The following RHBDD1 variants were observed in gnomAD, a reference collection of about 807,000 sequenced individuals.
RHBDD1 encodes rhomboid domain containing 1.
A neutral mutation model predicts 36.3 loss-of-function variants in RHBDD1; 38 were observed. That is an observed-to-expected ratio of 1.05 (90% CI 0.81 to 1.37). The LOEUF (loss-of-function observed/expected upper bound fraction) is 1.37. Ranked by LOEUF, RHBDD1 falls within the 40% of genes most tolerant of loss-of-function variation. The pLI is 0.00. For missense variants in RHBDD1, 393 were observed against 377.6 expected (o/e 1.04, Z -0.34); for synonymous variants, 151 against 136.5 (o/e 1.11, Z -0.74).
At chr2:226,966,810 C>T (rs1453246858) in intron 8 of RHBDD1, among the ~76,000 whole-genome samples, 1 of 151,418 alleles carries the variant, frequency 6.6e-6, no homozygotes, top group Non-Finnish European at 1.5e-5. Flanking sequence ...GCTGAGACTA[C>T]AGGCATAGGC....
In RHBDD1 at chr2:226,996,283, C is replaced by A; in HGVS notation, c.*761C>A. ...ATTTAACGCATCAGCAAAGTAGCAG[C>A]AGATGCCACATACAGAGTAGAGCGA... is the stretch of plus-strand genomic sequence containing the variant. On this transcript the variant is annotated 3_prime_UTR_variant, in exon 9 of 9. Transcript: ENST00000392062. 6.6e-6 allele frequency: 1 copy of A among 152,382 alleles called. No homozygotes were observed. The allele number at this position is 152,382 out of a possible 1,614,324, so 9.4% of individuals were successfully genotyped here. A position where few individuals can be genotyped will look rare whatever the true frequency, so the allele number is the denominator to read the frequency against.
At chr2:226,967,553 A>G (rs984970366) in intron 8 of RHBDD1, among the ~76,000 whole-genome samples, 1 of 112,732 alleles carries the variant, frequency 8.9e-6, no homozygotes, top group Non-Finnish European at 1.7e-5. Flanking sequence ...CCCACCTCTA[A>G]CTTTCTGCAT....
At chr2:226,827,108 C>T in the RHBDD1 span, among the ~76,000 whole-genome samples, 2 of 152,040 alleles carry the variant, frequency 1.3e-5, no homozygotes, top group African/African-American at 4.8e-5. Context: ...CAGGTGCATA[C>T]CACCATGTCA....
At chr2:226,968,290 A>G (rs529643779) in intron 8 of RHBDD1, among the ~76,000 whole-genome samples, 57 of 152,312 alleles carry the variant, frequency 3.7e-4, no homozygotes, top group Non-Finnish European at 4.4e-5. Flanking sequence ...ATTGCAAGGA[A>G]GTGCCTATGT....
chr2:226,969,194 C>T (rs1260607593), intron 8 of RHBDD1: 1 of 152,362 alleles, frequency 6.6e-6, no homozygotes, highest in African/African-American at 2.4e-5. Flanking sequence ...GTGATAAAAA[C>T]CGAAGGCTCG....
At chr2:226,816,375 CAAAAAAAA>C in the RHBDD1 span, among the ~76,000 whole-genome samples, 8 of 64,958 alleles carry the variant, frequency 1.2e-4, no homozygotes, top group African/African-American at 2.8e-4. Context: ...GGAATGGTGG[CAAAAAAAA>C]AAAAAAAAAA....
chr2:226,971,840 A>G (rs970950367), intron 8 of RHBDD1, among the ~76,000 whole-genome samples: 3 of 152,072 alleles, frequency 2.0e-5, no homozygotes, highest in African/African-American at 7.2e-5. Flanking sequence ...CCTTTCTTCA[A>G]AGCTCTAGAA....
At chr2:226,844,231 A>G (rs775985786) in intron 3 of RHBDD1, among the ~76,000 whole-genome samples, 3 of 152,180 alleles carry the variant, frequency 2.0e-5, no homozygotes, top group Admixed American at 6.5e-5. Context: ...TTTGGTCACT[A>G]TCACCTTGGA....
chr2:226,954,433 A>G (rs1951652434), intron 8 of RHBDD1, among the ~76,000 whole-genome samples: 1 of 152,198 alleles, frequency 6.6e-6, no homozygotes, highest in Non-Finnish European at 1.5e-5. Context: ...TTATTTTATA[A>G]CAAAGTAATA....
At chr2:226,992,588 C>T (rs149646366) in intron 8 of RHBDD1, among the ~76,000 whole-genome samples, 17 of 152,240 alleles carry the variant, frequency 1.1e-4, no homozygotes, top group African/African-American at 4.1e-4. Context: ...TTAAGGAGAC[C>T]CACGTGGGAA....
the RHBDD1 span, among the ~76,000 whole-genome samples, chr2:226,822,530 G>A: frequency 6.6e-6 from 1 of 151,338 alleles, no homozygotes; most frequent in Non-Finnish European, 1.5e-5. Flanking sequence ...AGCTATACAG[G>A]AGGCTGAGGC....
At chr2:226,987,595 A>G (rs1282139489) in intron 8 of RHBDD1, among the ~76,000 whole-genome samples, 4 of 152,178 alleles carry the variant, frequency 2.6e-5, no homozygotes, top group Non-Finnish European at 4.4e-5. Context: ...GAACAAAACA[A>G]TCATGGACAC....
the RHBDD1 span, among the ~76,000 whole-genome samples, chr2:226,822,533 G>C: frequency 6.6e-6 from 1 of 151,536 alleles, no homozygotes; most frequent in Non-Finnish European, 1.5e-5. Context: ...TATACAGGAG[G>C]CTGAGGCAAG....
In RHBDD1 at chr2:226,964,865, G is replaced by T. The variant is rs912849458; in HGVS notation, c.857-30566G>T. On this transcript the variant is annotated intron_variant, in intron 8 of 8. Transcript: ENST00000392062. Reference sequence around the variant, plus strand: ...TAGAAATAAGAGCCAGGTCACACAGGGCCTTTTAGGCCATCTGGGACTCTG... The same window carrying T: ...TAGAAATAAGAGCCAGGTCACACAGTGCCTTTTAGGCCATCTGGGACTCTG... Among the ~76,000 whole-genome samples the T allele has an allele frequency of 2.6e-5, 4 of 152,226 alleles. No individual in the cohort carries two copies. The East Asian group carries it at 7.7e-4, about 29-fold the overall frequency.
intron 5 of RHBDD1, among the ~76,000 whole-genome samples, chr2:226,896,095 A>T (rs368095966): frequency 3.1e-4 from 47 of 152,344 alleles, no homozygotes; most frequent in African/African-American, 1.1e-3. Flanking sequence ...ACTGTATACA[A>T]TTATTCTAGG....
chr2:226,805,946 G>A, the RHBDD1 span, among the ~76,000 whole-genome samples: 6 of 152,050 alleles, frequency 3.9e-5, no homozygotes, highest in Middle Eastern at 3.4e-3. Flanking sequence ...TGGATATTCC[G>A]TGCTCTCTAT....
chr2:226,844,886 G>A (rs982857233), intron 3 of RHBDD1, among the ~76,000 whole-genome samples: 2 of 152,120 alleles, frequency 1.3e-5, no homozygotes, highest in Non-Finnish European at 2.9e-5. Context: ...CAAAATTTAA[G>A]ATTATATACA....
intron 5 of RHBDD1, among the ~76,000 whole-genome samples, chr2:226,888,692 A>G (rs1195865755): frequency 1.3e-5 from 2 of 152,116 alleles, no homozygotes; most frequent in East Asian, 1.9e-4. Context: ...TACTGTGTAC[A>G]TTTCTTTCTT....
chr2:226,906,948 A>G (rs1394822831), intron 6 of RHBDD1, 67 bp downstream of exon 6: 1 of 1,508,182 alleles, frequency 6.6e-7, no homozygotes, highest in African/African-American at 1.4e-5. Flanking sequence ...ATGTGAACAG[A>G]AGCAACCCCA....
Sources: gnomAD v4.1 joint callset for allele counts (sites outside exome capture counted in the v4.1 genomes callset) on GRCh38, gnomAD v4.1.1 for gene constraint, MANE v1.5 for transcripts, NCBI Gene and HGNC (gene_info 2026-07-23, HGNC 2026-07-21) for gene names.